Variants in GAK observed in about 807,000 individuals in gnomAD.
The protein encoded by GAK is cyclin G associated kinase.
In GAK, 79 loss-of-function variants were observed where a neutral mutation model predicts 143.9. The observed-to-expected ratio is 0.55, with a 90% CI of 0.46 to 0.66. GAK has a LOEUF of 0.66. GAK is among the 30% of genes least tolerant of loss of function. The pLI is 0.00. For missense variants in GAK, 1,693 were observed against 1,779.7 expected, an observed-to-expected ratio of 0.95 and a Z score of 0.88; for synonymous variants, 881 against 765.5, an observed-to-expected ratio of 1.15 and a Z score of -2.49.
chr4:851,262 T>A, intron 25 of GAK, 178 bp from the exon 26 acceptor site: 1 of 527,724 alleles, frequency 1.9e-6, no homozygotes, highest in Non-Finnish European at 3.4e-6. Context: ...CATGCCTGGC[T>A]AATTTTTACA....
At chr4:871,626 G>T (rs1361344620) in intron 18 of GAK, among the ~76,000 whole-genome samples, 3 of 152,082 alleles carry the variant, frequency 2.0e-5, no homozygotes, top group Admixed American at 2.0e-4. Context: ...GGCCTGCCTT[G>T]GGGTGTCGGC....
At chr4:852,261 C>A in intron 24 of GAK, 1 of 524,830 alleles carries the variant, frequency 1.9e-6, no homozygotes. Context: ...CAAGGCAGAC[C>A]CAGGGCTTGT....
At chr4:920,062 A>G (rs1723665097) in intron 1 of GAK, among the ~76,000 whole-genome samples, 1 of 152,168 alleles carries the variant, frequency 6.6e-6, no homozygotes, top group Non-Finnish European at 1.5e-5. Context: ...CTGTAATCTC[A>G]GCACTTTGGC....
chr4:912,108 C>T (rs757675826), intron 3 of GAK: 1 of 465,548 alleles, frequency 2.1e-6, no homozygotes, highest in South Asian at 1.5e-5. Flanking sequence ...CGCAGGGAGG[C>T]TGCGGCGTGG....
chr4:853,852 G>A (rs1748652249), intron 24 of GAK: 1 of 151,852 alleles, frequency 6.6e-6, no homozygotes. Context: ...AGGCTGGAGT[G>A]CAGTGGCAAG....
intron 4 of GAK, among the ~76,000 whole-genome samples, chr4:907,172 G>A (rs1368200506): frequency 1.3e-5 from 2 of 152,180 alleles, no homozygotes; most frequent in Admixed American, 6.5e-5. Flanking sequence ...GCTGGGCCAC[G>A]CTAGAATCGA....
chr4:897,648 G>C (rs1438689615), intron 6 of GAK, among the ~76,000 whole-genome samples: 3 of 152,156 alleles, frequency 2.0e-5, no homozygotes, highest in Admixed American at 2.0e-4. Context: ...ACCTTCAACT[G>C]CTCTAAAAAA....
intron 23 of GAK, among the ~76,000 whole-genome samples, chr4:861,422 C>CA (rs1750255882): frequency 6.6e-6 from 1 of 152,010 alleles, no homozygotes; most frequent in Non-Finnish European, 1.5e-5. Context: ...CCCATCTCTA[C>CA]AAAAAATAAA....
chr4:868,457 A>T lies in GAK; in HGVS notation c.2395+82T>A, dbSNP rs568117430. ...CAGCTCTGCCGGAGGCCCGTCTCCC[A>T]AGACGCTTGCCCTGCCCCAGGGGCA... On this transcript the variant is annotated intron_variant, in intron 20 of 27. Transcript: ENST00000314167. 66 of 1,489,186 alleles carry T rather than the reference A, an allele frequency of 4.4e-5. 1 individual carries two copies. In the East Asian group the frequency reaches 1.2e-3, roughly 27 times the overall value. 92.2% of individuals were successfully genotyped at this position (1,489,186 alleles called of 1,614,324 possible). A position where few individuals can be genotyped will look rare whatever the true frequency, so the allele number is the denominator to read the frequency against.
chr4:885,988 G>A (rs28662837), intron 11 of GAK: 15,792 of 152,144 alleles, frequency 0.1, 938 homozygotes, highest in South Asian at 0.19. Flanking sequence ...GTCCAGGCTC[G>A]TCTCAATCTT....
At chr4:881,459 C>G (rs1005517326) in intron 15 of GAK, among the ~76,000 whole-genome samples, 14 of 152,106 alleles carry the variant, frequency 9.2e-5, no homozygotes, top group African/African-American at 2.9e-4. Flanking sequence ...TCCACACGGC[C>G]AGGGAGAGCC....
intron 1 of GAK, among the ~76,000 whole-genome samples, chr4:917,092 A>G (rs976766394): frequency 5.3e-5 from 8 of 152,264 alleles, no homozygotes; most frequent in African/African-American, 1.9e-4. Flanking sequence ...GTACATACAC[A>G]TACATACAGT....
intron 1 of GAK, among the ~76,000 whole-genome samples, chr4:930,739 C>T (rs902988240): frequency 2.0e-5 from 3 of 152,052 alleles, no homozygotes; most frequent in East Asian, 1.9e-4. Flanking sequence ...CACTTCAGCC[C>T]CCACTTCTGA....
chr4:925,693 C>G (rs1298901307), intron 1 of GAK, among the ~76,000 whole-genome samples: 1 of 152,156 alleles, frequency 6.6e-6, no homozygotes. Context: ...GATTACTGCC[C>G]CAGAGAGCAC....
intron 24 of GAK, among the ~76,000 whole-genome samples, chr4:858,209 T>C (rs1284789079): frequency 6.6e-6 from 1 of 152,192 alleles, no homozygotes; most frequent in Non-Finnish European, 1.5e-5. Context: ...CTTGCAGCCT[T>C]CAGTACAGCT....
At chr4:860,442 T>C (rs1333767570) in intron 23 of GAK, among the ~76,000 whole-genome samples, 1 of 151,580 alleles carries the variant, frequency 6.6e-6, no homozygotes, top group Non-Finnish European at 1.5e-5. Context: ...CGTGGATCTA[T>C]TTGAGGAAAA....
intron 1 of GAK, among the ~76,000 whole-genome samples, chr4:928,809 G>A (rs1725234388): frequency 1.3e-5 from 2 of 152,078 alleles, no homozygotes; most frequent in South Asian, 4.2e-4. Flanking sequence ...TGTTGCCCAG[G>A]CTGGAGTGCA....
At chr4:897,678 T>G (rs960703208) in intron 6 of GAK, among the ~76,000 whole-genome samples, 3 of 152,178 alleles carry the variant, frequency 2.0e-5, no homozygotes, top group Non-Finnish European at 4.4e-5. Context: ...TTTATTACAT[T>G]GCTCACGCCT....
chr4:856,378 CAG>C (rs1230113914), intron 24 of GAK, among the ~76,000 whole-genome samples: 3 of 89,368 alleles, frequency 3.4e-5, no homozygotes, highest in Admixed American at 1.0e-4. Flanking sequence ...CTGCTCACCA[CAG>C]CTGCTCACAC....
Sources: allele counts gnomAD v4.1 joint callset (sites outside exome capture counted in the v4.1 genomes callset), GRCh38; gene constraint gnomAD v4.1.1; transcripts MANE v1.5; gene names NCBI Gene and HGNC (gene_info 2026-07-23, HGNC 2026-07-21).